Variants in DCAF8 observed in about 807,000 individuals in gnomAD.
DCAF8 encodes DDB1 and CUL4 associated factor 8, also known as DDB1- and CUL4-associated factor 8.
DCAF8 carries 20 observed loss-of-function variants against 68.0 expected under a neutral mutation model. That is an observed-to-expected ratio of 0.29 (90% CI 0.21 to 0.43). The LOEUF (loss-of-function observed/expected upper bound fraction) is 0.43, where lower values mean the gene tolerates loss of function less well. Ranked by LOEUF, DCAF8 falls within the 20% of genes least tolerant of loss-of-function variation. The probability of loss-of-function intolerance (pLI) is 1.00; values close to 1 mark genes in which losing one functional copy is unlikely to be tolerated. For synonymous variants in DCAF8, 230 were observed against 276.9 expected, an observed-to-expected ratio of 0.83 and a Z score of 1.68; for missense variants, 460 against 771.0, an observed-to-expected ratio of 0.60 and a Z score of 4.78.
At position 160,240,044 on chromosome 1, in the gene DCAF8, C is replaced by T; in HGVS notation, c.376G>A (p.Asp126Asn). 6.2e-7 allele frequency: 1 copy of T among 1,614,238 alleles called. No homozygotes were observed. The highest frequency in any genetic ancestry group is 8.5e-7 in the Non-Finnish European group (1 of 1,180,040). The change falls in exon 4 of 14, where the codon GAC becomes AAC. Residue 126 changes from aspartate (D) to asparagine (N), a missense_variant. By Grantham distance (23) the Asp-to-Asn change is conservative. This residue lies in a region of DCAF8 where 156 missense variants were observed against 181.4 expected (regional missense o/e 0.86). Coordinates refer to ENST00000368074, the MANE Select transcript of DCAF8 (RefSeq NM_015726.4). Reference sequence around the variant, plus strand: ...CGCTCATCATCTGATGAGTCCTGGTCACGGTTAGCCCGCTTGCGCTGTACA... The same window carrying T: ...CGCTCATCATCTGATGAGTCCTGGTTACGGTTAGCCCGCTTGCGCTGTACA... Reference protein sequence around the residue: ...RRVQRKRANRDQDSSDDERAL... With the variant: ...RRVQRKRANRNQDSSDDERAL...
intron 2 of DCAF8, among the ~76,000 whole-genome samples, chr1:160,250,038 T>C (rs932714644): frequency 5.3e-5 from 8 of 152,212 alleles, no homozygotes. Flanking sequence ...TTTGGAATGA[T>C]GGAAATGTTC....
chr1:160,226,260 T>G (rs1228637594), intron 7 of DCAF8, among the ~76,000 whole-genome samples: 1 of 152,176 alleles, frequency 6.6e-6, no homozygotes, highest in Admixed American at 6.5e-5. Context: ...ATGCTTAATG[T>G]AAGTCAATGG....
chr1:160,225,575 C>A lies in DCAF8; in HGVS notation c.1143+16G>T. The A allele has an allele frequency of 6.2e-7, 1 of 1,605,960 alleles. No homozygotes were observed. Among genetic ancestry groups the A allele is most frequent in the Non-Finnish European group, 8.5e-7 (1 of 1,173,374 alleles). On this transcript the variant is annotated intron_variant, in intron 8 of 13. Coordinates refer to ENST00000368074, the MANE Select transcript of DCAF8 (RefSeq NM_015726.4). ...GTCAGGGAAGCCTGCAGCAACTGGC[C>A]CTTCATGAATCTTACCAGGTGATGA...
At chr1:160,238,575 T>A in intron 5 of DCAF8, 32 bp downstream of exon 5, 1 of 1,570,662 alleles carries the variant, frequency 6.4e-7, no homozygotes, top group Admixed American at 1.9e-5. Context: ...AGGATTTGGA[T>A]TGCACAAATT....
intron 2 of DCAF8, among the ~76,000 whole-genome samples, chr1:160,259,259 G>A (rs190180247): frequency 1.3e-5 from 2 of 152,200 alleles, no homozygotes; most frequent in Non-Finnish European, 2.9e-5. Context: ...CTTTGGCCGG[G>A]CATGGTGGTT....
intron 2 of DCAF8, among the ~76,000 whole-genome samples, chr1:160,251,148 A>G (rs951558881): frequency 6.6e-6 from 1 of 152,212 alleles, no homozygotes; most frequent in Non-Finnish European, 1.5e-5. Flanking sequence ...CTGAAAGAAG[A>G]AGGTGATAAG....
At chr1:160,247,690 T>A (rs1000421992) in intron 2 of DCAF8, among the ~76,000 whole-genome samples, 1 of 152,234 alleles carries the variant, frequency 6.6e-6, no homozygotes, top group African/African-American at 2.4e-5. Flanking sequence ...CCTTTGAGCA[T>A]CAAGTTGGCA....
intron 6 of DCAF8, 27 bp downstream of exon 6, chr1:160,237,108 C>T: frequency 6.7e-7 from 1 of 1,482,116 alleles, no homozygotes; most frequent in South Asian, 1.2e-5. Context: ...AGATACAGTT[C>T]TGTAATGATA....
At chr1:160,217,836 A>G (rs1655175015) in intron 13 of DCAF8, 128 bp from the exon 14 acceptor site, 1 of 686,136 alleles carries the variant, frequency 1.5e-6, no homozygotes, top group East Asian at 2.6e-5. Context: ...GCCAGAGAGT[A>G]AATACTTTAG....
intron 7 of DCAF8, among the ~76,000 whole-genome samples, chr1:160,228,039 T>C (rs1203725293): frequency 1.3e-5 from 2 of 152,034 alleles, no homozygotes; most frequent in African/African-American, 4.8e-5. Flanking sequence ...TACAGGAGCA[T>C]ACCACCACAC....
intron 4 of DCAF8, chr1:160,239,010 G>T: frequency 2.0e-6 from 1 of 492,104 alleles, no homozygotes; most frequent in South Asian, 3.7e-5. Flanking sequence ...GAGCTCAGAT[G>T]AACTAGGACT....
At chr1:160,230,222 T>C (rs1020754084) in intron 7 of DCAF8, among the ~76,000 whole-genome samples, 1 of 152,186 alleles carries the variant, frequency 6.6e-6, no homozygotes, top group Non-Finnish European at 1.5e-5. Flanking sequence ...TCTGGAAATA[T>C]AGCTATAAAA....
rs1221236475 is a variant in DCAF8, at chr1:160,217,557, G to A, written c.*35C>T. 5 of 1,529,714 alleles carry A rather than the reference G, an allele frequency of 3.3e-6. No individual in the cohort carries two copies. In the African/African-American group the frequency reaches 4.1e-5, roughly 13 times the overall value. 94.8% of individuals were successfully genotyped at this position (1,529,714 alleles called of 1,614,324 possible). A position where few individuals can be genotyped will look rare whatever the true frequency, so the allele number is the denominator to read the frequency against. Reference sequence around the variant, plus strand: ...AGGGTTGCCCAGGCAGGATCAGGTTGGCAGCCCCAGCCTGCCCCACCTAGG... The same window carrying A: ...AGGGTTGCCCAGGCAGGATCAGGTTAGCAGCCCCAGCCTGCCCCACCTAGG... On this transcript the variant is annotated 3_prime_UTR_variant, in exon 14 of 14. Coordinates refer to ENST00000368074, the MANE Select transcript of DCAF8 (RefSeq NM_015726.4).
In DCAF8 at chr1:160,239,918, G is replaced by A; in HGVS notation, c.502C>T (p.Arg168Cys). 3 of 1,614,230 alleles carry A rather than the reference G, an allele frequency of 1.9e-6. No individual in the cohort carries two copies. The highest frequency in any genetic ancestry group is 1.7e-5 in the Admixed American group (1 of 60,024). ...GCCCCACAGGCCTCATAGACAAAGC[G>A]GGCACTTGAACCCAGCTCCCGCTCC... ...LRERELGSSA[R>C]FVYEACGARV... is the part of the protein sequence containing the mutation. Residue 168 changes from arginine to cysteine, a missense_variant, in exon 4 of 14, where the codon CGC becomes TGC. This residue lies in a region of DCAF8 where 170 missense variants were observed against 318.2 expected (regional missense o/e 0.53). Coordinates refer to ENST00000368074, the MANE Select transcript of DCAF8 (RefSeq NM_015726.4).
At chr1:160,260,617 T>C (rs895940797) in intron 2 of DCAF8, among the ~76,000 whole-genome samples, 1 of 152,096 alleles carries the variant, frequency 6.6e-6, no homozygotes, top group African/African-American at 2.4e-5. Flanking sequence ...ATGTTCTGAC[T>C]CCCTTTTTGG....
At chr1:160,243,748 G>T (rs1656212107) in intron 3 of DCAF8, among the ~76,000 whole-genome samples, 1 of 152,152 alleles carries the variant, frequency 6.6e-6, no homozygotes, top group African/African-American at 2.4e-5. Context: ...GTACAGCTCT[G>T]TTATTGATAT....
At chr1:160,256,715 T>C (rs143956585) in intron 2 of DCAF8, among the ~76,000 whole-genome samples, 1 of 152,322 alleles carries the variant, frequency 6.6e-6, no homozygotes, top group African/African-American at 2.4e-5. Context: ...CCACTAGACA[T>C]ACTATTAATA....
chr1:160,243,863 CT>C (rs1656216441), intron 3 of DCAF8, 96 bp downstream of exon 3: 1 of 1,228,860 alleles, frequency 8.1e-7, no homozygotes, highest in African/African-American at 1.5e-5. Context: ...AAGTTTCCCT[CT>C]CTCCACTAAA....
At chr1:160,218,167 T>C in intron 13 of DCAF8, 157 bp downstream of exon 13, 1 of 688,528 alleles carries the variant, frequency 1.5e-6, no homozygotes, top group Non-Finnish European at 2.6e-6. Context: ...CTGATGTCTC[T>C]TCCAAGGCTA....
Sources: allele counts gnomAD v4.1 joint callset (sites outside exome capture counted in the v4.1 genomes callset), GRCh38; gene constraint gnomAD v4.1.1; regional missense constraint gnomAD v4.1.1; transcripts MANE v1.5; gene names NCBI Gene and HGNC (gene_info 2026-07-23, HGNC 2026-07-21).